Variants in MAPK8 observed in about 807,000 individuals in gnomAD.
The protein encoded by MAPK8 is mitogen-activated protein kinase 8.
In MAPK8, 13 loss-of-function variants were observed where a neutral mutation model predicts 52.9. That is an observed-to-expected ratio of 0.25 (90% CI 0.16 to 0.39). The LOEUF (loss-of-function observed/expected upper bound fraction) is 0.39. Among genes scored for constraint, MAPK8 ranks in the 10% least tolerant of loss-of-function variants. The pLI is 1.00. For synonymous variants in MAPK8, 191 were observed against 169.8 expected (o/e 1.12, Z -0.97); for missense variants, 300 against 519.2 (o/e 0.58, Z 4.10).
At chr10:48,314,820 T>C (rs1237992048) in intron 1 of MAPK8, among the ~76,000 whole-genome samples, 1 of 152,274 alleles carries the variant, frequency 6.6e-6, no homozygotes, top group African/African-American at 2.4e-5. Context: ...GGCTCCATGC[T>C]ATTTTTTGGA....
In MAPK8 at chr10:48,373,546, G is replaced by T. The variant is rs187933486; in HGVS notation, c.-49-28066G>T. Among the ~76,000 whole-genome samples the T allele has an allele frequency of 2.7e-4, 20 of 74,376 alleles. No homozygotes were observed. In the Admixed American group the frequency reaches 3.7e-3, roughly 14 times the overall value. 48.8% of individuals were successfully genotyped at this position (74,376 alleles called of 152,430 possible). A position where few individuals can be genotyped will look rare whatever the true frequency, so the allele number is the denominator to read the frequency against. On this transcript the variant is annotated intron_variant, in intron 1 of 11. Transcript: ENST00000374189. Reference sequence around the variant, plus strand: ...ATAAGCTCAAAATAAAGGGGTGGAGGAAGATTTACCAAGTAAATTGAAAGC... The same window carrying T: ...ATAAGCTCAAAATAAAGGGGTGGAGTAAGATTTACCAAGTAAATTGAAAGC...
At chr10:48,361,934 T>A (rs1847570524) in intron 1 of MAPK8, among the ~76,000 whole-genome samples, 1 of 152,200 alleles carries the variant, frequency 6.6e-6, no homozygotes, top group Non-Finnish European at 1.5e-5. Context: ...CCTCATTGCC[T>A]GTATAGCCAG....
intron 6 of MAPK8, 44 bp from the exon 7 acceptor site, chr10:48,424,044 A>G (rs1455098653): frequency 2.7e-6 from 4 of 1,484,376 alleles, no homozygotes; most frequent in African/African-American, 1.4e-5. Context: ...GATTTTAATG[A>G]CCTTTTGCTT....
intron 1 of MAPK8, among the ~76,000 whole-genome samples, chr10:48,371,619 T>A (rs1278023294): frequency 1.3e-5 from 2 of 152,094 alleles, no homozygotes; most frequent in African/African-American, 4.8e-5. Context: ...CCAAAATGTA[T>A]GAAGATTTCT....
intron 3 of MAPK8, 102 bp downstream of exon 3, chr10:48,405,083 G>T: frequency 2.0e-6 from 1 of 501,326 alleles, no homozygotes; most frequent in Non-Finnish European, 3.4e-6. Flanking sequence ...AAATTGTTCT[G>T]TATTAAAACA....
intron 1 of MAPK8, among the ~76,000 whole-genome samples, chr10:48,323,452 T>G (rs1843183516): frequency 6.6e-6 from 1 of 152,218 alleles, no homozygotes; most frequent in Non-Finnish European, 1.5e-5. Flanking sequence ...TGGTTGTGTC[T>G]TATAGCAGTA....
intron 1 of MAPK8, 124 bp from the exon 2 acceptor site, chr10:48,401,488 A>T (rs1386434266): frequency 9.0e-6 from 5 of 555,610 alleles, no homozygotes; most frequent in Non-Finnish European, 1.6e-5. Flanking sequence ...ATGTTTTTTA[A>T]TGAAGCAGCT....
intron 1 of MAPK8, among the ~76,000 whole-genome samples, chr10:48,373,349 T>A (rs532916426): frequency 5.0e-4 from 76 of 151,988 alleles, no homozygotes; most frequent in African/African-American, 1.8e-3. Flanking sequence ...AATAACCAGC[T>A]AGCATCATAA....
chr10:48,347,168 C>T (rs1845870749), intron 1 of MAPK8, among the ~76,000 whole-genome samples: 1 of 152,114 alleles, frequency 6.6e-6, no homozygotes, highest in South Asian at 2.1e-4. Context: ...AGTGAGAAAC[C>T]TGCACTTCCA....
At position 48,410,060 on chromosome 10, in the gene MAPK8, T is replaced by A; in HGVS notation, c.342T>A (p.Asn114Lys). Residue 114 changes from asparagine to lysine, a missense_variant, in exon 5 of 12, where the codon AAT becomes AAA. This residue lies in a region of MAPK8 where 147 missense variants were observed against 328.1 expected (regional missense o/e 0.45). Transcript: ENST00000374189. The part of the protein sequence containing the change: ...VYIVMELMDA[N>K]LCQVIQMELD... Reference sequence around the variant, plus strand: ...TAGTCATGGAGCTCATGGATGCAAATCTTTGCCAAGTGATTCAGATGGAGC... The same window carrying A: ...TAGTCATGGAGCTCATGGATGCAAAACTTTGCCAAGTGATTCAGATGGAGC... 1 of 1,603,044 alleles carries A rather than the reference T, an allele frequency of 6.2e-7. No homozygotes were observed.
chr10:48,327,558 C>G (rs1208382842), intron 1 of MAPK8, among the ~76,000 whole-genome samples: 1 of 152,106 alleles, frequency 6.6e-6, no homozygotes, highest in Non-Finnish European at 1.5e-5. Flanking sequence ...TTCTTACCAT[C>G]TCTTTGTTTT....
chr10:48,406,902 A>G (rs1401110116), intron 3 of MAPK8, among the ~76,000 whole-genome samples: 1 of 152,160 alleles, frequency 6.6e-6, no homozygotes. Flanking sequence ...GAGGCATGTC[A>G]TCTCTTAACT....
intron 1 of MAPK8, among the ~76,000 whole-genome samples, chr10:48,317,062 A>G (rs1842571836): frequency 6.6e-6 from 1 of 152,210 alleles, no homozygotes; most frequent in South Asian, 2.1e-4. Flanking sequence ...CCCATTTTAT[A>G]CATGAGGAAA....
At chr10:48,388,294 TTAAG>T (rs1221026454) in intron 1 of MAPK8, among the ~76,000 whole-genome samples, 1 of 152,178 alleles carries the variant, frequency 6.6e-6, no homozygotes, top group Non-Finnish European at 1.5e-5. Flanking sequence ...AGGTTAGCCA[TTAAG>T]TAGGTTTATG....
At chr10:48,335,695 A>T (rs913425793) in intron 1 of MAPK8, among the ~76,000 whole-genome samples, 1 of 152,196 alleles carries the variant, frequency 6.6e-6, no homozygotes, top group African/African-American at 2.4e-5. Context: ...ATTTAAAAAC[A>T]TGTCTCACAA....
intron 1 of MAPK8, among the ~76,000 whole-genome samples, chr10:48,330,884 C>A (rs572901550): frequency 4.2e-4 from 64 of 152,312 alleles, no homozygotes; most frequent in African/African-American, 1.4e-3. Flanking sequence ...GATCACTTAT[C>A]ATGACTTTAT....
intron 1 of MAPK8, among the ~76,000 whole-genome samples, chr10:48,329,171 C>T (rs1843845826): frequency 6.6e-6 from 1 of 152,202 alleles, no homozygotes; most frequent in Admixed American, 6.5e-5. Flanking sequence ...GGGCCAGAGT[C>T]TGAATCCAGA....
intron 1 of MAPK8, among the ~76,000 whole-genome samples, chr10:48,340,562 C>T (rs539254385): frequency 1.3e-5 from 2 of 152,088 alleles, no homozygotes; most frequent in Non-Finnish European, 2.9e-5. Context: ...ACTCATAATT[C>T]TCTATTAAAT....
intron 1 of MAPK8, among the ~76,000 whole-genome samples, chr10:48,348,325 C>T (rs183608908): frequency 3.5e-4 from 53 of 152,260 alleles, no homozygotes; most frequent in African/African-American, 1.1e-3. Flanking sequence ...AATTTTCTCC[C>T]GTTCTGTAGG....
Sources: gnomAD v4.1 joint callset for allele counts (sites outside exome capture counted in the v4.1 genomes callset) on GRCh38, gnomAD v4.1.1 for gene constraint, gnomAD v4.1.1 regional missense constraint, MANE v1.5 for transcripts, NCBI Gene and HGNC (gene_info 2026-07-23, HGNC 2026-07-21) for gene names.